BNC2: variants seen among roughly 807,000 people sequenced by gnomAD.
BNC2 encodes zinc finger protein basonuclin-2.
In BNC2, 20 loss-of-function variants were observed where a neutral mutation model predicts 76.3. The ratio of observed to expected loss-of-function variants is 0.26; its 90% CI spans 0.18 to 0.38. The LOEUF (loss-of-function observed/expected upper bound fraction) is 0.38, where lower values mean the gene tolerates loss of function less well. Ranked by LOEUF, BNC2 falls within the 10% of genes least tolerant of loss-of-function variation. The probability of loss-of-function intolerance (pLI) is 1.00; values close to 1 mark genes in which losing one functional copy is unlikely to be tolerated. For synonymous variants in BNC2, 582 were observed against 514.8 expected (o/e 1.13, Z -1.77); for missense variants, 1,382 against 1,399.8 (o/e 0.99, Z 0.20).
At chr9:16,796,657 AAAAG>A (rs1483709454) in intron 1 of BNC2, among the ~76,000 whole-genome samples, 7 of 152,026 alleles carry the variant, frequency 4.6e-5, no homozygotes, top group Non-Finnish European at 2.9e-5. Context: ...AAGAGAAAAA[AAAAG>A]AAAGAAAAGA....
chr9:16,721,263 A>G (rs1418042281), intron 3 of BNC2, among the ~76,000 whole-genome samples: 1 of 151,892 alleles, frequency 6.6e-6, no homozygotes, highest in Non-Finnish European at 1.5e-5. Context: ...CTATTACCCA[A>G]TGTTTTGTTT....
At chr9:16,698,659 A>G (rs2134531602) in intron 3 of BNC2, among the ~76,000 whole-genome samples, 1 of 151,968 alleles carries the variant, frequency 6.6e-6, no homozygotes, top group East Asian at 1.9e-4. Context: ...GCGCCACCGC[A>G]CTCCAGCCTG....
intron 1 of BNC2, among the ~76,000 whole-genome samples, chr9:16,750,094 T>A (rs1825143806): frequency 6.6e-6 from 1 of 152,204 alleles, no homozygotes; most frequent in Admixed American, 6.5e-5. Flanking sequence ...TAGGTAATTG[T>A]GAGAAATAAA....
At chr9:16,442,612 AG>A (rs1324692936) in intron 5 of BNC2, among the ~76,000 whole-genome samples, 6 of 152,202 alleles carry the variant, frequency 3.9e-5, no homozygotes, top group Non-Finnish European at 8.8e-5. Context: ...AAACCAAATA[AG>A]GGGCTTTGGG....
intron 3 of BNC2, among the ~76,000 whole-genome samples, chr9:16,649,788 T>C (rs541089962): frequency 1.4e-4 from 21 of 152,300 alleles, no homozygotes; most frequent in African/African-American, 4.8e-4. Context: ...GCCAATGCTA[T>C]AGAATCATAA....
At chr9:16,863,960 A>T (rs577585914) in intron 1 of BNC2, among the ~76,000 whole-genome samples, 10 of 152,184 alleles carry the variant, frequency 6.6e-5, no homozygotes, top group Non-Finnish European at 1.3e-4. Context: ...AAAGAGGGAC[A>T]AATGTATTAT....
intron 5 of BNC2, among the ~76,000 whole-genome samples, chr9:16,469,534 A>G (rs1821774344): frequency 6.6e-6 from 1 of 152,218 alleles, no homozygotes; most frequent in Non-Finnish European, 1.5e-5. Context: ...TTTTGTTCCT[A>G]GTCTCTGGTA....
chr9:16,478,423 C>T (rs768982670), intron 5 of BNC2, among the ~76,000 whole-genome samples: 2 of 152,118 alleles, frequency 1.3e-5, no homozygotes, highest in East Asian at 1.9e-4. Flanking sequence ...ATAATACCAC[C>T]GTAATTCTGT....
chr9:16,458,403 C>A (rs76705242), intron 5 of BNC2, among the ~76,000 whole-genome samples: 3,949 of 152,192 alleles, frequency 0.026, 146 homozygotes, highest in East Asian at 0.089. Flanking sequence ...TAACAAAAAT[C>A]AATATTGGGA....
chr9:16,471,142 C>A (rs200390861), intron 5 of BNC2, among the ~76,000 whole-genome samples: 2 of 152,180 alleles, frequency 1.3e-5, no homozygotes, highest in African/African-American at 4.8e-5. Flanking sequence ...GATCATTTTG[C>A]AGCTTTAAAA....
At chr9:16,732,702 C>T (rs1290238668) in intron 2 of BNC2, among the ~76,000 whole-genome samples, 7 of 152,142 alleles carry the variant, frequency 4.6e-5, no homozygotes, top group African/African-American at 1.7e-4. Flanking sequence ...AAGTACAGAG[C>T]TGGGTTAAAG....
intron 3 of BNC2, among the ~76,000 whole-genome samples, chr9:16,693,738 A>C (rs556240731): frequency 6.6e-6 from 1 of 152,390 alleles, no homozygotes; most frequent in South Asian, 2.1e-4. Flanking sequence ...AAAGAAAAGA[A>C]AGGAAGCCAG....
In BNC2 at chr9:16,418,269, T is replaced by A. The variant is rs995873938; in HGVS notation, c.*720A>T. ...CCTCTTTAGCACTATATCTAACAGG[T>A]AGTAAAAACAAGACCATGTTTTTTT... On this transcript the variant is annotated 3_prime_UTR_variant, in exon 7 of 7. Coordinates refer to ENST00000380672, the MANE Select transcript of BNC2 (RefSeq NM_017637.6). 6.5e-6 allele frequency: 1 copy of A among 152,710 alleles called. No homozygotes were observed. Among genetic ancestry groups the A allele is most frequent in the African/African-American group, 2.4e-5 (1 of 41,468 alleles). 9.5% of individuals were successfully genotyped at this position (152,710 alleles called of 1,614,324 possible).
chr9:16,625,678 G>A (rs1171786188), intron 3 of BNC2: 1 of 152,202 alleles, frequency 6.6e-6, no homozygotes, highest in Non-Finnish European at 1.5e-5. Flanking sequence ...TAACTCTCTA[G>A]ATAGTGGGAT....
intron 3 of BNC2, among the ~76,000 whole-genome samples, chr9:16,645,790 G>C (rs1210045619): frequency 6.6e-6 from 1 of 152,152 alleles, no homozygotes; most frequent in Admixed American, 6.5e-5. Context: ...TAAAGAATAA[G>C]TATTATTAAC....
At position 16,787,906 on chromosome 9, in the gene BNC2, G is replaced by A. The variant is rs75213514; in HGVS notation, c.4-49421C>T. ...TTTCCTTAGCCAGGATGCAGCTTCA[G>A]AACCGTTACTGAATTAGAATCACTG... On this transcript the variant is annotated intron_variant, in intron 1 of 6. Coordinates refer to ENST00000380672, the MANE Select transcript of BNC2 (RefSeq NM_017637.6). Among the ~76,000 whole-genome samples, 458 of 152,244 alleles carry A rather than the reference G, an allele frequency of 3.0e-3. 9 individuals are homozygous for A. In the East Asian group the frequency reaches 0.032, roughly 11 times the overall value.
Position 16,419,544 on chromosome 9 carries a change from T to A in BNC2, c.2745A>T (p.Glu915Asp). 1 of 1,613,954 alleles carries A rather than the reference T, an allele frequency of 6.2e-7. No homozygotes were observed. The highest frequency in any genetic ancestry group is 8.5e-7 in the Non-Finnish European group (1 of 1,179,994). Residue 915 changes from glutamate (E) to aspartate (D), a missense_variant, in exon 7 of 7, where the codon GAA becomes GAT. Around this residue, in one of 3 missense-constraint regions of BNC2, gnomAD observed 798 missense variants for 775.5 expected, o/e 1.03. Transcript: ENST00000380672. Reference protein sequence around the residue: ...QPSLSKDLRDEFLVKIYGAQH... With the variant: ...QPSLSKDLRDDFLVKIYGAQH... ...GGGCACCATATATCTTCACCAAAAA[T>A]TCATCGCGGAGGTCCTTGCTAAGGG...
At chr9:16,853,911 C>A (rs1819190985) in intron 1 of BNC2, among the ~76,000 whole-genome samples, 1 of 152,116 alleles carries the variant, frequency 6.6e-6, no homozygotes, top group Admixed American at 6.6e-5. Context: ...TTAAGCTCTG[C>A]GGGTTTAAAT....
At chr9:16,605,013 A>G (rs1215991818) in intron 3 of BNC2, among the ~76,000 whole-genome samples, 1 of 152,194 alleles carries the variant, frequency 6.6e-6, no homozygotes, top group East Asian at 1.9e-4. Context: ...TAGAGCACCA[A>G]CTTTCTTAAT....
Sources: gnomAD v4.1 joint callset for allele counts (sites outside exome capture counted in the v4.1 genomes callset) on GRCh38, gnomAD v4.1.1 for gene constraint, gnomAD v4.1.1 regional missense constraint, MANE v1.5 for transcripts, NCBI Gene and HGNC (gene_info 2026-07-23, HGNC 2026-07-21) for gene names.